SGCD: variants seen among roughly 807,000 people sequenced by gnomAD.
SGCD encodes delta-sarcoglycan.
A neutral mutation model predicts 36.6 loss-of-function variants in SGCD; 18 were observed. The observed-to-expected ratio is 0.49, with a 90% confidence interval of 0.34 to 0.73. SGCD has a LOEUF of 0.73. Among genes scored for constraint, SGCD ranks in the 30% least tolerant of loss-of-function variants. The probability of loss-of-function intolerance (pLI) is 0.01; values close to 1 mark genes in which losing one functional copy is unlikely to be tolerated. For missense variants in SGCD, 387 were observed against 346.7 expected, an observed-to-expected ratio of 1.12 and a Z score of -0.92; for synonymous variants, 133 against 130.6, an observed-to-expected ratio of 1.02 and a Z score of -0.12.
chr5:156,497,030 A>G (rs1186497569), intron 3 of SGCD, among the ~76,000 whole-genome samples: 2 of 152,198 alleles, frequency 1.3e-5, no homozygotes, highest in African/African-American at 2.4e-5. Context: ...GTAAATGTTC[A>G]TATGAAGAGC....
At chr5:156,450,756 CT>C (rs1408088828) in intron 3 of SGCD, among the ~76,000 whole-genome samples, 2 of 151,814 alleles carry the variant, frequency 1.3e-5, no homozygotes, top group Non-Finnish European at 2.9e-5. Context: ...TAAATGAAAA[CT>C]AATTAAGAGG....
At chr5:156,710,706 G>A (rs1157020012) in intron 7 of SGCD, among the ~76,000 whole-genome samples, 1 of 152,186 alleles carries the variant, frequency 6.6e-6, no homozygotes, top group Non-Finnish European at 1.5e-5. Context: ...TCAATAGAGT[G>A]TCTCGGTTTA....
chr5:156,232,968 A>G (rs1765058312), intron 3 of SGCD, among the ~76,000 whole-genome samples: 1 of 152,210 alleles, frequency 6.6e-6, no homozygotes, highest in Admixed American at 6.5e-5. Context: ...TCTCTAGTGT[A>G]TGGTAGCTAG....
chr5:155,928,666 C>CAAAAAAAAAAAAAAAAAAAAAAAAGAAAA (rs58548934), intron 1 of SGCD, among the ~76,000 whole-genome samples: 1 of 68,214 alleles, frequency 1.5e-5, no homozygotes. Context: ...GACTCTGTCT[C>CAAAAAAAAAAAAAAAAAAAAAAAAGAAAA]AAAAAAAAAA....
the SGCD span, among the ~76,000 whole-genome samples, chr5:155,816,266 A>G: frequency 6.6e-6 from 1 of 152,178 alleles, no homozygotes; most frequent in East Asian, 1.9e-4. Flanking sequence ...GACTCCCCCA[A>G]AACTTAACTA....
At chr5:155,796,935 GA>G in the SGCD span, among the ~76,000 whole-genome samples, 1 of 149,098 alleles carries the variant, frequency 6.7e-6, no homozygotes, top group Non-Finnish European at 1.5e-5. Flanking sequence ...ATTAATTGAA[GA>G]AAAAAGCAAA....
the SGCD span, among the ~76,000 whole-genome samples, chr5:155,831,195 T>A: frequency 6.6e-6 from 1 of 152,216 alleles, no homozygotes; most frequent in Admixed American, 6.5e-5. Flanking sequence ...GCTACTGAGA[T>A]GAACTGTTAC....
the SGCD span, among the ~76,000 whole-genome samples, chr5:155,794,225 G>GA: frequency 2.0e-5 from 3 of 151,916 alleles, no homozygotes; most frequent in African/African-American, 4.8e-5. Context: ...TTGCCTAGCA[G>GA]AAAAAAAGGC....
chr5:156,721,413 T>G (rs377283275), intron 7 of SGCD, among the ~76,000 whole-genome samples: 16 of 152,300 alleles, frequency 1.1e-4, no homozygotes, highest in African/African-American at 3.8e-4. Flanking sequence ...CCAGTGTTGA[T>G]AGTTTCAAGA....
intron 1 of SGCD, among the ~76,000 whole-genome samples, chr5:156,109,657 G>T (rs180848511): frequency 6.6e-6 from 1 of 152,070 alleles, no homozygotes; most frequent in South Asian, 2.1e-4. Context: ...GCCTGAAATG[G>T]TCTTAATCTC....
intron 5 of SGCD, among the ~76,000 whole-genome samples, chr5:156,592,067 C>T (rs1476757628): frequency 6.6e-6 from 1 of 152,140 alleles, no homozygotes; most frequent in Non-Finnish European, 1.5e-5. Context: ...ACTTTCTATA[C>T]TGCTATAGTC....
chr5:156,495,779 A>T (rs1756156209), intron 3 of SGCD, among the ~76,000 whole-genome samples: 1 of 152,142 alleles, frequency 6.6e-6, no homozygotes, highest in Admixed American at 6.6e-5. Context: ...ATAGCTCAGG[A>T]TTTATAAGCT....
At position 156,767,629 on chromosome 5, in the gene SGCD, C is replaced by G. The variant is rs1021833438; in HGVS notation, c.*8239C>G. On this transcript the variant is annotated 3_prime_UTR_variant, in exon 9 of 9. Transcript: ENST00000337851. ...TTTGAATAACATCAATCCTTGCACA[C>G]TCTATGCAAAAATTTTGTAAGCATT... is the stretch of plus-strand genomic sequence containing the variant. The G allele has an allele frequency of 3.3e-5, 5 of 152,026 alleles. No individual in the cohort carries two copies. The highest frequency in any genetic ancestry group is 7.3e-5 in the Non-Finnish European group (5 of 68,036). 9.4% of individuals were successfully genotyped at this position (152,026 alleles called of 1,614,324 possible). A position where few individuals can be genotyped will look rare whatever the true frequency, so the allele number is the denominator to read the frequency against.
chr5:156,543,272 A>G (rs1758424514), intron 4 of SGCD, among the ~76,000 whole-genome samples: 1 of 152,198 alleles, frequency 6.6e-6, no homozygotes, highest in African/African-American at 2.4e-5. Context: ...CAGTTAAAAT[A>G]AAGTCTGCCT....
the SGCD span, among the ~76,000 whole-genome samples, chr5:155,803,062 G>GA: frequency 6.9e-4 from 105 of 152,250 alleles, no homozygotes; most frequent in Non-Finnish European, 1.4e-3. Flanking sequence ...CAAGCAATGG[G>GA]AAAAAATCCA....
the SGCD span, among the ~76,000 whole-genome samples, chr5:155,768,419 C>T: frequency 6.6e-6 from 1 of 151,868 alleles, no homozygotes. Context: ...CACTGAGATA[C>T]AATAAAGGAA....
intron 1 of SGCD, among the ~76,000 whole-genome samples, chr5:156,018,222 T>A (rs1759026304): frequency 6.6e-6 from 1 of 152,198 alleles, no homozygotes; most frequent in Non-Finnish European, 1.5e-5. Flanking sequence ...AATGTTAAGA[T>A]CCTATTTGTG....
At chr5:156,155,982 A>G (rs571945506) in intron 3 of SGCD, among the ~76,000 whole-genome samples, 1 of 151,826 alleles carries the variant, frequency 6.6e-6, no homozygotes, top group South Asian at 2.1e-4. Flanking sequence ...AAAAGCTATC[A>G]AAAAATCAAT....
chr5:156,415,128 AG>A (rs1772957909), intron 3 of SGCD, among the ~76,000 whole-genome samples: 1 of 152,142 alleles, frequency 6.6e-6, no homozygotes, highest in Non-Finnish European at 1.5e-5. Flanking sequence ...TATACAGTAA[AG>A]GTCTGTCTTT....
Sources: allele counts gnomAD v4.1 joint callset (sites outside exome capture counted in the v4.1 genomes callset), GRCh38; gene constraint gnomAD v4.1.1; transcripts MANE v1.5; gene names NCBI Gene and HGNC (gene_info 2026-07-23, HGNC 2026-07-21).